The following RSU1 variants were observed in gnomAD, a reference collection of about 807,000 sequenced individuals.
The protein encoded by RSU1 is rsu-1.
RSU1 carries 26 observed loss-of-function variants against 31.1 expected under a neutral mutation model. That is an observed-to-expected ratio of 0.84 (90% CI 0.61 to 1.16). RSU1 has a LOEUF of 1.16. Ranked by LOEUF, RSU1 falls within the 50% of genes most tolerant of loss-of-function variation. The pLI is 0.00. For synonymous variants in RSU1, 164 were observed against 136.3 expected, an observed-to-expected ratio of 1.20 and a Z score of -1.41; for missense variants, 320 against 339.1, an observed-to-expected ratio of 0.94 and a Z score of 0.44.
In RSU1 at chr10:16,752,526, T is replaced by G; in HGVS notation, c.598+13A>C. Reference sequence around the variant, plus strand: ...TGAAACCCAGAACTAAGTTCATTCATCAGCAACCTTACCTAGTTCTGGGGG... The same window carrying G: ...TGAAACCCAGAACTAAGTTCATTCAGCAGCAACCTTACCTAGTTCTGGGGG... On this transcript the variant is annotated intron_variant, in intron 7 of 8. Coordinates refer to ENST00000345264, the MANE Select transcript of RSU1 (RefSeq NM_012425.4). 6.3e-7 allele frequency: 1 copy of G among 1,586,848 alleles called. No individual in the cohort carries two copies. The highest frequency in any genetic ancestry group is 8.7e-7 in the Non-Finnish European group (1 of 1,155,510).
intron 8 of RSU1, among the ~76,000 whole-genome samples, chr10:16,678,939 T>G (rs1256873114): frequency 6.6e-6 from 1 of 151,884 alleles, no homozygotes; most frequent in South Asian, 2.1e-4. Context: ...TCCCTCAGAT[T>G]TGAATTAAAA....
chr10:16,666,886 G>A (rs777159653), intron 8 of RSU1, among the ~76,000 whole-genome samples: 12 of 152,040 alleles, frequency 7.9e-5, no homozygotes, highest in East Asian at 1.9e-4. Flanking sequence ...CTACTCAGGA[G>A]GCTAAAGCAG....
At chr10:16,615,758 C>G (rs1343407249) in intron 8 of RSU1, among the ~76,000 whole-genome samples, 1 of 152,086 alleles carries the variant, frequency 6.6e-6, no homozygotes, top group Non-Finnish European at 1.5e-5. Flanking sequence ...GAAACTGAAC[C>G]TGCTCCAGAA....
chr10:16,784,866 T>C (rs1000053800), intron 2 of RSU1, among the ~76,000 whole-genome samples: 1 of 152,098 alleles, frequency 6.6e-6, no homozygotes, highest in African/African-American at 2.4e-5. Flanking sequence ...TAATTCAAGA[T>C]GAGATTTGGA....
chr10:16,730,824 G>A (rs1381729356), intron 7 of RSU1, among the ~76,000 whole-genome samples: 1 of 151,660 alleles, frequency 6.6e-6, no homozygotes, highest in African/African-American at 2.4e-5. Context: ...GTAAAGCAAT[G>A]TTGTTGTTTT....
rs530383783 is a variant in RSU1 at position 16,720,347 on chromosome 10, T to C, written c.599-25192A>G. ...TATCTCAGAAATAATTCTACAAATA[T>C]ACATATTGAACAGAAATAAATTATC... On this transcript the variant is annotated intron_variant, in intron 7 of 8. Transcript: ENST00000345264. 4.6e-5 allele frequency among the ~76,000 whole-genome samples: 7 copies of C among 152,300 alleles called. No homozygotes were observed. The East Asian group carries it at 9.6e-4, about 21-fold the overall frequency.
chr10:16,764,993 G>T (rs184976599), intron 3 of RSU1, among the ~76,000 whole-genome samples: 1 of 151,402 alleles, frequency 6.6e-6, no homozygotes, highest in Non-Finnish European at 1.5e-5. Flanking sequence ...AATGGGGGGG[G>T]AGAAACAGAG....
chr10:16,730,674 C>T lies in RSU1; in HGVS notation c.598+21865G>A, dbSNP rs970769742. Among the ~76,000 whole-genome samples, 20 of 152,092 alleles carry T rather than the reference C, an allele frequency of 1.3e-4. No homozygotes were observed. In the East Asian group the frequency reaches 3.9e-3, roughly 29 times the overall value. ...TTGATATAATCTATAAAGCTAACAC[C>T]AACACACTGGAGAAATTATAAAAAA... is the stretch of plus-strand genomic sequence containing the variant. On this transcript the variant is annotated intron_variant, in intron 7 of 8. Coordinates refer to ENST00000345264, the MANE Select transcript of RSU1 (RefSeq NM_012425.4).
At chr10:16,735,072 G>C (rs145831471) in intron 7 of RSU1, among the ~76,000 whole-genome samples, 1 of 152,124 alleles carries the variant, frequency 6.6e-6, no homozygotes, top group Non-Finnish European at 1.5e-5. Flanking sequence ...TAATCTCCAC[G>C]AACACAAGAA....
chr10:16,602,688 TC>T, intron 8 of RSU1, among the ~76,000 whole-genome samples: 1 of 152,344 alleles, frequency 6.6e-6, no homozygotes, highest in African/African-American at 2.4e-5. Flanking sequence ...GTCATATGTA[TC>T]CCTACTGTTG....
At position 16,783,478 on chromosome 10, in the gene RSU1, C is replaced by T. The variant is rs1012861830; in HGVS notation, c.110-1394G>A. On this transcript the variant is annotated intron_variant, in intron 2 of 8. Coordinates refer to ENST00000345264, the MANE Select transcript of RSU1 (RefSeq NM_012425.4). ...TCAAGCGATTCTCCTGCCTCAGCCT[C>T]CACAGTAGCTAGGACTACAGGTGCG... Among the ~76,000 whole-genome samples the T allele has an allele frequency of 2.0e-5, 3 of 151,416 alleles. No individual in the cohort carries two copies. The South Asian group carries it at 6.2e-4, about 31-fold the overall frequency.
intron 8 of RSU1, among the ~76,000 whole-genome samples, chr10:16,646,056 A>ATATATG (rs1564298680): frequency 3.3e-5 from 1 of 29,918 alleles, no homozygotes; most frequent in African/African-American, 1.2e-4. Context: ...ATGTGTATAT[A>ATATATG]TATATACACA....
intron 8 of RSU1, among the ~76,000 whole-genome samples, chr10:16,595,671 G>A (rs912576052): frequency 6.6e-6 from 1 of 152,164 alleles, no homozygotes; most frequent in African/African-American, 2.4e-5. Context: ...CAGCCCGGCT[G>A]TGCCTCCTCT....
chr10:16,659,512 T>G (rs1834850784), intron 8 of RSU1, among the ~76,000 whole-genome samples: 1 of 152,222 alleles, frequency 6.6e-6, no homozygotes, highest in African/African-American at 2.4e-5. Flanking sequence ...TCCCCACTGA[T>G]CTGCAATACT....
intron 2 of RSU1, among the ~76,000 whole-genome samples, chr10:16,787,484 CCT>C (rs746970031): frequency 6.6e-6 from 1 of 152,160 alleles, no homozygotes; most frequent in Non-Finnish European, 1.5e-5. Flanking sequence ...CCCCTGAACG[CCT>C]CTGTTTTCCT....
chr10:16,780,518 C>T (rs1048639504), intron 3 of RSU1, among the ~76,000 whole-genome samples: 1 of 152,230 alleles, frequency 6.6e-6, no homozygotes, highest in African/African-American at 2.4e-5. Flanking sequence ...GCTGGGATTA[C>T]AGGCATCGGT....
At chr10:16,629,239 C>A (rs1588682745) in intron 8 of RSU1, among the ~76,000 whole-genome samples, 1 of 152,116 alleles carries the variant, frequency 6.6e-6, no homozygotes, top group Non-Finnish European at 1.5e-5. Context: ...GACAAGTTAC[C>A]AGGTGATATC....
chr10:16,772,935 A>T (rs1837452116), intron 3 of RSU1, among the ~76,000 whole-genome samples: 2 of 152,160 alleles, frequency 1.3e-5, no homozygotes, highest in African/African-American at 2.4e-5. Context: ...GGCTGGGAGC[A>T]GTGGCTCACA....
At chr10:16,732,918 G>A (rs564172148) in intron 7 of RSU1, among the ~76,000 whole-genome samples, 6 of 152,214 alleles carry the variant, frequency 3.9e-5, no homozygotes, top group Non-Finnish European at 8.8e-5. Context: ...AACTTCCAAG[G>A]TTGGAAGCAT....
Sources: allele counts gnomAD v4.1 joint callset (sites outside exome capture counted in the v4.1 genomes callset), GRCh38; gene constraint gnomAD v4.1.1; transcripts MANE v1.5; gene names NCBI Gene and HGNC (gene_info 2026-07-23, HGNC 2026-07-21).